Variants in SCUBE1 observed in about 807,000 individuals in gnomAD.
SCUBE1 encodes the protein signal peptide, CUB domain and EGF like domain containing 1.
Under a neutral mutation model 124.4 loss-of-function variants are expected in SCUBE1, and 59 were observed. The ratio of observed to expected loss-of-function variants is 0.47; its 90% CI spans 0.38 to 0.59. The LOEUF is 0.59. SCUBE1 is among the 20% of genes least tolerant of loss of function. The probability of loss-of-function intolerance (pLI) is 0.00; values close to 1 mark genes in which losing one functional copy is unlikely to be tolerated. For missense variants in SCUBE1, 1,150 were observed against 1,371.2 expected (o/e 0.84, Z 2.55); for synonymous variants, 545 against 550.9 (o/e 0.99, Z 0.15).
chr22:43,207,950 G>T, intron 20 of SCUBE1, 122 bp downstream of exon 20: 1 of 1,139,608 alleles, frequency 8.8e-7, no homozygotes, highest in Non-Finnish European at 1.3e-6. Context: ...TGTTCGTTCT[G>T]CTTCCAGGTC....
chr22:43,297,836 T>C (rs966688797), intron 3 of SCUBE1, among the ~76,000 whole-genome samples: 1 of 152,222 alleles, frequency 6.6e-6, no homozygotes, highest in Admixed American at 6.5e-5. Flanking sequence ...TTTCCCGATT[T>C]GAAACAGAGA....
intron 4 of SCUBE1, among the ~76,000 whole-genome samples, chr22:43,269,493 TGC>T (rs1186217715): frequency 2.6e-5 from 4 of 152,196 alleles, no homozygotes; most frequent in African/African-American, 9.6e-5. Flanking sequence ...CTGGAATGTG[TGC>T]CTCCTGAGGG....
chr22:43,260,921 T>C (rs1378584560), intron 5 of SCUBE1, among the ~76,000 whole-genome samples: 1 of 152,216 alleles, frequency 6.6e-6, no homozygotes, highest in Non-Finnish European at 1.5e-5. Context: ...AAACTCCTCC[T>C]TGTAGTGCTT....
At position 43,202,934 on chromosome 22, in the gene SCUBE1, A is replaced by C. The variant is rs1393261833; in HGVS notation, c.*1063T>G. 4.6e-5 allele frequency: 7 copies of C among 152,264 alleles called. No homozygotes were observed. Among genetic ancestry groups the C allele is most frequent in the Admixed American group, 2.0e-4 (3 of 15,276 alleles). The allele number at this position is 152,264 out of a possible 1,614,324, so 9.4% of individuals were successfully genotyped here. A position where few individuals can be genotyped will look rare whatever the true frequency, so the allele number is the denominator to read the frequency against. On this transcript the variant is annotated 3_prime_UTR_variant, in exon 22 of 22. Transcript: ENST00000360835. ...TTTCCTGCTGACACCTGGGCATAGT[A>C]CGGACCCCAAGGTCACTGCCACAGG...
chr22:43,310,760 C>A (rs893178264), intron 3 of SCUBE1, among the ~76,000 whole-genome samples: 12 of 152,178 alleles, frequency 7.9e-5, no homozygotes, highest in Non-Finnish European at 1.5e-5. Context: ...AGTGATTTTT[C>A]AATACACATT....
chr22:43,251,698 C>T (rs1490345346), intron 6 of SCUBE1, among the ~76,000 whole-genome samples: 1 of 152,196 alleles, frequency 6.6e-6, no homozygotes, highest in Non-Finnish European at 1.5e-5. Flanking sequence ...CAGAAGGAAA[C>T]AGCCCTGCCG....
intron 16 of SCUBE1, 152 bp downstream of exon 16, chr22:43,213,938 G>A: frequency 1.2e-6 from 1 of 815,190 alleles, no homozygotes; most frequent in South Asian, 1.8e-5. Context: ...CAGACATCGT[G>A]AAGGGTTTTG....
chr22:43,334,696 T>G (rs1360412736), intron 2 of SCUBE1, among the ~76,000 whole-genome samples: 3 of 152,108 alleles, frequency 2.0e-5, no homozygotes, highest in Non-Finnish European at 4.4e-5. Flanking sequence ...ATCAACATTA[T>G]CATCACCCCC....
At chr22:43,269,819 A>AT (rs1406014579) in intron 4 of SCUBE1, among the ~76,000 whole-genome samples, 3 of 152,250 alleles carry the variant, frequency 2.0e-5, no homozygotes, top group Non-Finnish European at 4.4e-5. Flanking sequence ...CCAACGTTGA[A>AT]GGGGGGTGAA....
At chr22:43,253,487 G>T (rs1385596792) in intron 6 of SCUBE1, among the ~76,000 whole-genome samples, 1 of 152,132 alleles carries the variant, frequency 6.6e-6, no homozygotes, top group African/African-American at 2.4e-5. Flanking sequence ...GGGGTGGTAT[G>T]GGAGGATTCT....
intron 7 of SCUBE1, among the ~76,000 whole-genome samples, chr22:43,233,034 G>C (rs554827249): frequency 6.6e-6 from 1 of 152,354 alleles, no homozygotes; most frequent in African/African-American, 2.4e-5. Flanking sequence ...ACAAAAATAA[G>C]AGGTTTTATT....
In SCUBE1 at chr22:43,204,055, C is replaced by A. The variant is rs139647604; in HGVS notation, c.2909G>T (p.Arg970Leu). The change falls in exon 22 of 22, where the codon CGG becomes CTG. Residue 970 changes from arginine to leucine, a missense_variant. Arg to Leu is a moderately radical substitution (Grantham distance 102). Coordinates refer to ENST00000360835, the MANE Select transcript of SCUBE1 (RefSeq NM_173050.5). ...GGAGCGCAGCAGTTTGATGAAGGAC[C>A]GTGGGAACATCTCCTTGGATTCCTG... Reference protein sequence around the residue: ...TAQESKEMFPRSFIKLLRSKV... With the variant: ...TAQESKEMFPLSFIKLLRSKV... 6.2e-7 allele frequency: 1 copy of A among 1,613,988 alleles called. No homozygotes were observed. Among genetic ancestry groups the A allele is most frequent in the Admixed American group, 1.7e-5 (1 of 60,006 alleles).
At chr22:43,314,648 G>A (rs1926282861) in intron 3 of SCUBE1, among the ~76,000 whole-genome samples, 1 of 152,116 alleles carries the variant, frequency 6.6e-6, no homozygotes, top group Admixed American at 6.5e-5. Context: ...TAAGACTTAG[G>A]CAAAAGGTGG....
chr22:43,231,569 G>C (rs1456370324), intron 8 of SCUBE1, among the ~76,000 whole-genome samples, 184 bp downstream of exon 8: 1 of 152,168 alleles, frequency 6.6e-6, no homozygotes, highest in Admixed American at 6.5e-5. Flanking sequence ...TCGAGCCTCA[G>C]TGTCCCATCA....
chr22:43,232,643 T>C (rs1433893264), intron 7 of SCUBE1: 2 of 152,230 alleles, frequency 1.3e-5, no homozygotes, highest in Non-Finnish European at 2.9e-5. Flanking sequence ...GCTCCGAAGG[T>C]TGCCTGGCCC....
chr22:43,235,580 C>A (rs1230712273), intron 7 of SCUBE1, among the ~76,000 whole-genome samples: 1 of 152,156 alleles, frequency 6.6e-6, no homozygotes, highest in Non-Finnish European at 1.5e-5. Flanking sequence ...GTGGGGGGTT[C>A]TCCCAGATTG....
intron 19 of SCUBE1, among the ~76,000 whole-genome samples, chr22:43,209,220 TCTGGCCGGTCTCTGTGGTCA>T (rs1288745376): frequency 2.0e-5 from 3 of 152,080 alleles, no homozygotes; most frequent in Non-Finnish European, 4.4e-5. Flanking sequence ...CACCCCCTCA[TCTGGCCGGTCTCTGTGGTCA>T]CTGGGTACCC....
At chr22:43,276,533 C>T (rs1924527451) in intron 4 of SCUBE1, among the ~76,000 whole-genome samples, 1 of 152,218 alleles carries the variant, frequency 6.6e-6, no homozygotes, top group African/African-American at 2.4e-5. Flanking sequence ...AACCCAATTT[C>T]CCTAATGAGG....
In SCUBE1 at chr22:43,227,560, G is replaced by A. The variant is rs1922375299; in HGVS notation, c.1085-64C>T. Reference sequence around the variant, plus strand: ...GCGGCTGGCGGCTGGCAGGGGAAGGGACCACCCAGGGCAAGAGGGCAAGAA... The same window carrying A: ...GCGGCTGGCGGCTGGCAGGGGAAGGAACCACCCAGGGCAAGAGGGCAAGAA... On this transcript the variant is annotated intron_variant, in intron 9 of 21. Transcript: ENST00000360835. 12 of 1,584,476 alleles carry A rather than the reference G, an allele frequency of 7.6e-6. No homozygotes were observed. In the South Asian group the frequency reaches 8.9e-5, roughly 12 times the overall value.
Sources: allele counts gnomAD v4.1 joint callset (sites outside exome capture counted in the v4.1 genomes callset), GRCh38; gene constraint gnomAD v4.1.1; transcripts MANE v1.5; gene names NCBI Gene and HGNC (gene_info 2026-07-23, HGNC 2026-07-21).